Variants in LRP2 observed in about 807,000 individuals in gnomAD.
LRP2 encodes LDL receptor related protein 2, also known as low-density lipoprotein receptor-related protein 2.
In LRP2, 172 loss-of-function variants were observed where a neutral mutation model predicts 531.0. The observed-to-expected ratio is 0.32, with a 90% CI of 0.29 to 0.37. LRP2 has a LOEUF of 0.37. LRP2 is among the 10% of genes least tolerant of loss of function. The pLI, the probability that LRP2 is intolerant of heterozygous loss-of-function variation, is 1.00. For synonymous variants in LRP2, 1,992 were observed against 2,027.6 expected (o/e 0.98, Z 0.47); for missense variants, 5,167 against 5,868.3 (o/e 0.88, Z 3.90).
At chr2:169,356,487 C>T (rs1685990600) in intron 1 of LRP2, among the ~76,000 whole-genome samples, 1 of 152,172 alleles carries the variant, frequency 6.6e-6, no homozygotes, top group Non-Finnish European at 1.5e-5. Context: ...ACATTCATTG[C>T]CTTTGCATAA....
chr2:169,223,308 G>A (rs1559025958), intron 33 of LRP2, among the ~76,000 whole-genome samples: 1 of 152,158 alleles, frequency 6.6e-6, no homozygotes, highest in African/African-American at 2.4e-5. Flanking sequence ...GGCCACTACT[G>A]CATTGTACCT....
rs373521676 is a variant in LRP2 at position 169,280,413 on chromosome 2, G to A, written c.1278C>T (p.Ala426=). 7.4e-6 allele frequency: 12 copies of A among 1,613,900 alleles called. No homozygotes were observed. The highest frequency in any genetic ancestry group is 1.0e-5 in the Non-Finnish European group (12 of 1,179,998). Residue 426 remains alanine (A), a synonymous_variant, in exon 11 of 79, where the codon GCC becomes GCT. Coordinates refer to ENST00000649046, the MANE Select transcript of LRP2 (RefSeq NM_004525.3). Reference sequence around the variant, plus strand: ...GGTGATAGTGGAAAGCCACACCCACGGCCACTCCACGATTCTGAGACTCCA... The same window carrying A: ...GGTGATAGTGGAAAGCCACACCCACAGCCACTCCACGATTCTGAGACTCCA... ...ILVESQNRGV[A]VGVAFHYHLQ...
intron 64 of LRP2, 77 bp from the exon 65 acceptor site, chr2:169,156,482 A>G: frequency 1.9e-6 from 3 of 1,558,784 alleles, no homozygotes; most frequent in African/African-American, 1.4e-5. Flanking sequence ...GTTTAAACCC[A>G]TATTCACCAG....
intron 9 of LRP2, among the ~76,000 whole-genome samples, chr2:169,284,308 A>G (rs1465129628): frequency 9.1e-5 from 10 of 110,294 alleles, no homozygotes; most frequent in Admixed American, 4.4e-4. Context: ...TCTGTTGCCC[A>G]GGCTGGAGTG....
chr2:169,281,544 C>G (rs537691917), intron 10 of LRP2, among the ~76,000 whole-genome samples: 1 of 152,100 alleles, frequency 6.6e-6, no homozygotes, highest in Admixed American at 6.5e-5. Context: ...CATGATGAAA[C>G]CCCGTCTCTA....
intron 56 of LRP2, 50 bp downstream of exon 56, chr2:169,173,869 C>T (rs1687088181): frequency 6.2e-7 from 1 of 1,612,062 alleles, no homozygotes; most frequent in Non-Finnish European, 8.5e-7. Flanking sequence ...TGGAAGTTTC[C>T]TCGTGTCTCC....
In LRP2 at chr2:169,266,778, A is replaced by G. The variant is rs80189687; in HGVS notation, c.2320+4126T>C. ...CTTTAATCAATCTGGCTGCTTGAGTATGAAAAACAGTGTCTAGTCAATTAA... is the reference window on the plus strand; with the variant it reads ...CTTTAATCAATCTGGCTGCTTGAGTGTGAAAAACAGTGTCTAGTCAATTAA... On this transcript the variant is annotated intron_variant, in intron 16 of 78. Transcript: ENST00000649046. 5.7e-3 allele frequency among the ~76,000 whole-genome samples: 872 copies of G among 152,080 alleles called. 3 individuals are homozygous for G. Among genetic ancestry groups the G allele is most frequent in the African/African-American group, 0.02 (825 of 41,528 alleles).
rs751716673 is a variant in LRP2, at chr2:169,244,873, A to G, written c.3250T>C (p.Trp1084Arg). Residue 1084 changes from tryptophan (W) to arginine (R), a missense_variant, in exon 22 of 79, where the codon TGG becomes CGG. Physicochemically the swap from Trp to Arg is moderately radical, Grantham distance 101. Transcript: ENST00000649046. ...CGHGECIPAH[W>R]RCDKRNDCVD... ...CAGTCGTTGCGTTTGTCACAGCGCC[A>G]GTGTGCAGGAATGCACTCCCCATGG... 4 of 1,614,268 alleles carry G rather than the reference A, an allele frequency of 2.5e-6. No homozygotes were observed. Among genetic ancestry groups the G allele is most frequent in the African/African-American group, 1.3e-5 (1 of 75,072 alleles).
intron 52 of LRP2, among the ~76,000 whole-genome samples, chr2:169,179,940 C>T (rs1415290094): frequency 6.6e-6 from 1 of 152,002 alleles, no homozygotes; most frequent in Non-Finnish European, 1.5e-5. Flanking sequence ...GATCACAGTG[C>T]CTCATATTAT....
intron 28 of LRP2, among the ~76,000 whole-genome samples, 196 bp downstream of exon 28, chr2:169,236,907 C>T (rs932127123): frequency 6.6e-6 from 1 of 152,102 alleles, no homozygotes; most frequent in Non-Finnish European, 1.5e-5. Flanking sequence ...ATCAATTGCT[C>T]TTATGTACTT....
chr2:169,327,240 CAGCCCCACGTCCGGGAGGGAGGTGG>C (rs1685101425), intron 1 of LRP2, among the ~76,000 whole-genome samples: 1 of 100,262 alleles, frequency 1.0e-5, no homozygotes, highest in Non-Finnish European at 2.1e-5. Flanking sequence ...GTGGGGGGGT[CAGCCCCACGTCCGGGAGGGAGGTGG>C]GGGGGTCAGC....
chr2:169,245,091 T>C (rs1689955550), intron 21 of LRP2, among the ~76,000 whole-genome samples, 159 bp from the exon 22 acceptor site: 1 of 152,222 alleles, frequency 6.6e-6, no homozygotes, highest in African/African-American at 2.4e-5. Flanking sequence ...AACATCATTA[T>C]TGGCTGGCAT....
intron 19 of LRP2, among the ~76,000 whole-genome samples, 153 bp from the exon 20 acceptor site, chr2:169,247,668 G>A (rs376546068): frequency 1.4e-4 from 21 of 152,254 alleles, no homozygotes; most frequent in Non-Finnish European, 2.1e-4. Context: ...CATTTTCCAC[G>A]ACTTGTTACT....
Position 169,188,175 on chromosome 2 carries a change from G to A in LRP2, c.9123C>T (p.Asn3041=), listed in dbSNP as rs756811565. 60 of 1,613,976 alleles carry A rather than the reference G, an allele frequency of 3.7e-5. No individual in the cohort carries two copies. The highest frequency in any genetic ancestry group is 1.8e-4 in the East Asian group (8 of 44,890). ...CGAAGGTTTTACTAATGCAGCGCCC[G>A]TTCTGACAGGTAAACTGATTCTGTT... ...TCQQNQFTCQ[N]GRCISKTFVC... The change falls in exon 49 of 79, where the codon AAC becomes AAT. Residue 3041 remains asparagine, a synonymous_variant. Coordinates refer to ENST00000649046, the MANE Select transcript of LRP2 (RefSeq NM_004525.3).
At chr2:169,130,371 T>C (rs907376661) in intron 77 of LRP2, among the ~76,000 whole-genome samples, 1 of 149,236 alleles carries the variant, frequency 6.7e-6, no homozygotes, top group Non-Finnish European at 1.5e-5. Context: ...CACTACAACC[T>C]CTGCCTCCCG....
intron 74 of LRP2, 120 bp downstream of exon 74, chr2:169,139,131 G>T: frequency 2.1e-6 from 3 of 1,442,730 alleles, no homozygotes; most frequent in Admixed American, 1.7e-5. Flanking sequence ...TTTTGTTTCT[G>T]TGGAATCGGT....
Position 169,248,840 on chromosome 2 carries a change from G to A in LRP2, c.2771-1325C>T, listed in dbSNP as rs1331419932. 6.3e-5 allele frequency among the ~76,000 whole-genome samples: 8 copies of A among 126,304 alleles called. 1 individual carries two copies. Among genetic ancestry groups the A allele is most frequent in the Non-Finnish European group, 1.2e-4 (7 of 60,168 alleles). 82.9% of individuals were successfully genotyped at this position (126,304 alleles called of 152,430 possible). ...TCACCTGGGAAGCGCAAGGGGTCAG[G>A]GAGTTCCCTTTCCGAGTCAAAGAAA... On this transcript the variant is annotated intron_variant, in intron 19 of 78. Transcript: ENST00000649046.
chr2:169,205,768 C>A, intron 40 of LRP2, 131 bp from the exon 41 acceptor site: 1 of 993,356 alleles, frequency 1.0e-6, no homozygotes, highest in Non-Finnish European at 1.5e-6. Flanking sequence ...TTTCTACTTA[C>A]ACAACTTGTC....
intron 28 of LRP2, 98 bp from the exon 29 acceptor site, chr2:169,236,166 T>A: frequency 1.1e-6 from 1 of 892,124 alleles, no homozygotes; most frequent in Non-Finnish European, 1.8e-6. Flanking sequence ...ATGCCCTGCT[T>A]AAAATAAATC....
Sources: allele counts gnomAD v4.1 joint callset (sites outside exome capture counted in the v4.1 genomes callset), GRCh38; gene constraint gnomAD v4.1.1; transcripts MANE v1.5; gene names NCBI Gene and HGNC (gene_info 2026-07-23, HGNC 2026-07-21).